The following KRT12 variants were observed in gnomAD, a reference collection of about 807,000 sequenced individuals.
The protein encoded by KRT12 is keratin, type I cytoskeletal 12.
In KRT12, 43 loss-of-function variants were observed where a neutral mutation model predicts 50.2. The observed-to-expected ratio is 0.86, with a 90% CI of 0.67 to 1.11. The LOEUF is 1.11. Among genes scored for constraint, KRT12 ranks in the 50% least tolerant of loss-of-function variants. KRT12 has a pLI of 0.00. For missense variants in KRT12, 588 were observed against 625.6 expected (o/e 0.94, Z 0.64); for synonymous variants, 257 against 253.6 (o/e 1.01, Z -0.13).
In KRT12 at chr17:40,863,602, C is replaced by G. The variant is rs752705039; in HGVS notation, c.978G>C (p.Glu326Asp). 2 of 1,614,250 alleles carry G rather than the reference C, an allele frequency of 1.2e-6. No individual in the cohort carries two copies. The highest frequency in any genetic ancestry group is 1.3e-5 in the African/African-American group (1 of 75,068). ...TGTTGGTGCTAATCTCCTTACGGAG[C>G]TCCCCGCTCTGCAACAGCAAAGACA... The part of the protein sequence containing the change: ...AEAWFIEKSG[E>D]LRKEISTNTE... Residue 326 changes from glutamate to aspartate, a missense_variant, in exon 5 of 8, where the codon GAG (glutamate) becomes GAC (aspartate). Physicochemically the swap from Glu to Asp is conservative, Grantham distance 45. Transcript: ENST00000251643. This position sits in a 1 kb window ranked among gnomAD's most constrained non-coding sequence, Gnocchi z 4.2.
At position 40,867,073 on chromosome 17, in the gene KRT12, A is replaced by G. The variant is rs777414238; in HGVS notation, c.114T>C (p.Val38=). 1 of 1,613,406 alleles carries G rather than the reference A, an allele frequency of 6.2e-7. No individual in the cohort carries two copies. The highest frequency in any genetic ancestry group is 8.5e-7 in the Non-Finnish European group (1 of 1,179,548). Residue 38 remains valine, a synonymous_variant, in exon 1 of 8, where the codon GTT becomes GTC. Transcript: ENST00000251643. The part of the protein sequence containing the change: ...GRPRGMSASS[V]GSGYGGSAFG... The stretch of plus-strand genomic sequence containing the variant: ...AGGCACTTCCCCCATAACCACTTCC[A>G]ACACTGGAAGCAGACATGCCCCTGG...
chr17:40,866,647 A>G lies in KRT12; in HGVS notation c.540T>C (p.Tyr180=), dbSNP rs1181502247. 2 of 1,613,916 alleles carry G rather than the reference A, an allele frequency of 1.2e-6. No individual in the cohort carries two copies. The highest frequency in any genetic ancestry group is 2.7e-5 in the African/African-American group (2 of 74,872). The change falls in exon 1 of 8, where the codon TAT becomes TAC. Residue 180 remains tyrosine, a synonymous_variant. Coordinates refer to ENST00000251643, the MANE Select transcript of KRT12 (RefSeq NM_000223.4). The part of the protein sequence containing the change: ...DASQSDYSKY[Y]PLIEDLRNKI... ...TATTCCTGAGGTCTTCAATCAGTGGATAATATTTGCTGTAATCGCTCTGTG... is the reference window on the plus strand; with the variant it reads ...TATTCCTGAGGTCTTCAATCAGTGGGTAATATTTGCTGTAATCGCTCTGTG...
Position 40,863,482 on chromosome 17 carries a change from T to C in KRT12, c.1095+3A>G. On this transcript the variant is annotated splice_donor_region_variant and intron_variant, in intron 5 of 7. Transcript: ENST00000251643. The surrounding 1 kb of genome is among the most constrained non-coding windows in gnomAD (Gnocchi z 4.2). ...TGCTACGTCTGTTTGCGCACGAGCC[T>C]ACCATGGCGAGCTGGGACTGTAGCT... 6.2e-7 allele frequency: 1 copy of C among 1,614,232 alleles called. No homozygotes were observed. The highest frequency in any genetic ancestry group is 8.5e-7 in the Non-Finnish European group (1 of 1,180,036).
chr17:40,862,005 A>C (rs1412211439), intron 7 of KRT12, among the ~76,000 whole-genome samples: 1 of 152,180 alleles, frequency 6.6e-6, no homozygotes, highest in Non-Finnish European at 1.5e-5. Context: ...TATGGTGATC[A>C]TAATACCTTG....
Position 40,861,523 on chromosome 17 carries a change from G to A in KRT12, c.*138C>T. The stretch of plus-strand genomic sequence containing the variant: ...CAGAAGGGCAAAAAGGATTCAATGT[G>A]AATAGGGAATCCAAAGAAAATGGAA... On this transcript the variant is annotated 3_prime_UTR_variant, in exon 8 of 8. Coordinates refer to ENST00000251643, the MANE Select transcript of KRT12 (RefSeq NM_000223.4). The A allele has an allele frequency of 2.9e-6, 2 of 689,442 alleles. No individual in the cohort carries two copies. The highest frequency in any genetic ancestry group is 2.7e-5 in the East Asian group (1 of 36,926). 42.7% of individuals were successfully genotyped at this position (689,442 alleles called of 1,614,324 possible). A position where few individuals can be genotyped will look rare whatever the true frequency, so the allele number is the denominator to read the frequency against.
rs772402972 is a variant in KRT12, at chr17:40,863,296, G to A, written c.1143C>T (p.Cys381=). ...GCTGCTGCACCTGGGACAGCTGCGCGCAGTAATCGCCCTCGGCTTCGGCCA... is the reference window on the plus strand; with the variant it reads ...GCTGCTGCACCTGGGACAGCTGCGCACAGTAATCGCCCTCGGCTTCGGCCA... ...DSLAEAEGDY[C]AQLSQVQQLI... is the part of the protein sequence containing the mutation. The change falls in exon 6 of 8, where the codon TGC becomes TGT. Residue 381 remains cysteine, a synonymous_variant. Coordinates refer to ENST00000251643, the MANE Select transcript of KRT12 (RefSeq NM_000223.4). This position sits in a 1 kb window ranked among gnomAD's most constrained non-coding sequence, Gnocchi z 4.2. The A allele has an allele frequency of 6.2e-7, 1 of 1,613,942 alleles. No homozygotes were observed. Among genetic ancestry groups the A allele is most frequent in the Non-Finnish European group, 8.5e-7 (1 of 1,179,992 alleles).
intron 6 of KRT12, 169 bp downstream of exon 6, chr17:40,862,954 T>C: frequency 1.5e-6 from 1 of 683,434 alleles, no homozygotes; most frequent in South Asian, 1.7e-5. Flanking sequence ...AGATAATGGG[T>C]GAAAACACTT....
rs951159037 is a variant in KRT12, at chr17:40,863,313, C to T, written c.1126G>A (p.Ala376Thr). ...AGCTGCGCGCAGTAATCGCCCTCGG[C>T]TTCGGCCAAGGAGTCCTCCAGGGAT... ...KKSLEDSLAEAEGDYCAQLSQ... is the reference protein window; with the variant it reads ...KKSLEDSLAETEGDYCAQLSQ... The change falls in exon 6 of 8, where the codon GCC becomes ACC. Residue 376 changes from alanine to threonine, a missense_variant. Physicochemically the swap from Ala to Thr is moderately conservative, Grantham distance 58 (BLOSUM62 0). Transcript: ENST00000251643. This position sits in a 1 kb window ranked among gnomAD's most constrained non-coding sequence, Gnocchi z 4.2. 9 of 1,613,930 alleles carry T rather than the reference C, an allele frequency of 5.6e-6. No individual in the cohort carries two copies. The highest frequency in any genetic ancestry group is 7.6e-6 in the Non-Finnish European group (9 of 1,179,966).
rs1398032327 is a variant in KRT12, at chr17:40,863,990, A to ACACACT, written c.808-127_808-126insAGTGTG. The ACACACT allele has an allele frequency of 3.1e-6, 2 of 647,274 alleles. No individual in the cohort carries two copies. The highest frequency in any genetic ancestry group is 5.2e-6 in the Non-Finnish European group (2 of 386,200). The allele number at this position is 647,274 out of a possible 1,614,324, so 40.1% of individuals were successfully genotyped here. On this transcript the variant is annotated intron_variant, in intron 3 of 7. Coordinates refer to ENST00000251643, the MANE Select transcript of KRT12 (RefSeq NM_000223.4). This position sits in a 1 kb window ranked among gnomAD's most constrained non-coding sequence, Gnocchi z 4.2. ...CACACACACACACACACACACACAC[A>ACACACT]CTTAAAAATTCTATCTTATGACTGT...
Position 40,866,245 on chromosome 17 carries a change from A to G in KRT12, c.568-8T>C. 6.2e-7 allele frequency: 1 copy of G among 1,611,796 alleles called. No individual in the cohort carries two copies. Among genetic ancestry groups the G allele is most frequent in the Non-Finnish European group, 8.5e-7 (1 of 1,177,954 alleles). ...AATGCTGGCTGAAATGATCTGGCAA[A>G]AGAGAGGGACACACACAAGATTGAA... On this transcript the variant is annotated splice_polypyrimidine_tract_variant and splice_region_variant and intron_variant, in intron 1 of 7. Coordinates refer to ENST00000251643, the MANE Select transcript of KRT12 (RefSeq NM_000223.4).
rs775787583 is a variant in KRT12 at position 40,864,932 on chromosome 17, G to A, written c.681C>T (p.Gly227=). 4.0e-5 allele frequency: 64 copies of A among 1,614,108 alleles called. No homozygotes were observed. In the Admixed American group the frequency reaches 9.2e-4, roughly 23 times the overall value. ...KYENELALRQ[G]VEADINGLRR... is the part of the protein sequence containing the mutation. ...GCAGGCCATTGATGTCGGCCTCTAC[G>A]CCCTGGCGCAGGGCCAGTTCATTCT... Residue 227 remains glycine, a synonymous_variant, in exon 3 of 8, where the codon GGC becomes GGT. Coordinates refer to ENST00000251643, the MANE Select transcript of KRT12 (RefSeq NM_000223.4).
Position 40,866,968 on chromosome 17 carries a change from G to A in KRT12, c.219C>T (p.Ser73=), listed in dbSNP as rs368268437. 7.5e-6 allele frequency: 12 copies of A among 1,598,820 alleles called. No homozygotes were observed. The highest frequency in any genetic ancestry group is 1.7e-5 in the Admixed American group (1 of 57,210). Residue 73 remains serine, a synonymous_variant, in exon 1 of 8, where the codon TCC becomes TCT. Transcript: ENST00000251643. ...FGSSSGFGGG[S]GSSMAGGLGA... ...CCAGTCCTCCTGCCATGGAACTTCCGGAGCCACCCCCAAAGCCGGAACTAG... is the reference window on the plus strand; with the variant it reads ...CCAGTCCTCCTGCCATGGAACTTCCAGAGCCACCCCCAAAGCCGGAACTAG...
intron 1 of KRT12, 134 bp downstream of exon 1, chr17:40,866,486 C>T (rs1268182037): frequency 3.7e-6 from 3 of 814,170 alleles, no homozygotes; most frequent in Non-Finnish European, 6.0e-6. Context: ...AGTGAAACAA[C>T]CTGGGATGAG....
rs1306974780 is a variant in KRT12, at chr17:40,863,888, G to C, written c.808-24C>G. The C allele has an allele frequency of 3.2e-6, 5 of 1,557,152 alleles. No individual in the cohort carries two copies. The highest frequency in any genetic ancestry group is 4.3e-6 in the Non-Finnish European group (5 of 1,157,020). The stretch of plus-strand genomic sequence containing the variant: ...TCCTGGGGACAGCATGTGAGAGAGA[G>C]GGGCACAGGGGTCCATTGTGACTTT... On this transcript the variant is annotated intron_variant, in intron 3 of 7. Transcript: ENST00000251643. This position sits in a 1 kb window ranked among gnomAD's most constrained non-coding sequence, Gnocchi z 4.2.
Position 40,863,674 on chromosome 17 carries a change from T to G in KRT12, c.969+29A>C. 1 of 1,614,230 alleles carries G rather than the reference T, an allele frequency of 6.2e-7. No individual in the cohort carries two copies. The highest frequency in any genetic ancestry group is 8.5e-7 in the Non-Finnish European group (1 of 1,180,046). ...GCTCGTTCGCAGGCCTTTCTGTGAA[T>G]GTATCAAAGCCTTTGTTGTTTGTGT... On this transcript the variant is annotated intron_variant, in intron 4 of 7. Coordinates refer to ENST00000251643, the MANE Select transcript of KRT12 (RefSeq NM_000223.4). This position sits in a 1 kb window ranked among gnomAD's most constrained non-coding sequence, Gnocchi z 4.2.
rs760663730 is a variant in KRT12 at position 40,866,889 on chromosome 17, C to T, written c.298G>A (p.Gly100Arg). ...CCACCTCCTGGGCTGCCCCCAAATC[C>T]CATCCCCAGCCCTCCAAAGCTACCT... ...GGGSFGGLGMGFGGSPGGGSL... is the reference protein window; with the variant it reads ...GGGSFGGLGMRFGGSPGGGSL... Residue 100 changes from glycine to arginine, a missense_variant, in exon 1 of 8, where the codon GGA becomes AGA. By Grantham distance (125) the Gly-to-Arg change is moderately radical (BLOSUM62 -2). Coordinates refer to ENST00000251643, the MANE Select transcript of KRT12 (RefSeq NM_000223.4). The T allele has an allele frequency of 3.3e-5, 54 of 1,614,080 alleles. No individual in the cohort carries two copies. In the South Asian group the frequency reaches 3.4e-4, roughly 10 times the overall value.
chr17:40,863,406 C>T lies in KRT12; in HGVS notation c.1096-63G>A, dbSNP rs1363460248. ...GAGGGGACCGAAAAGAGGAGGGTAG[C>T]CAACGGCTAATGTAATTTGGATGCA... On this transcript the variant is annotated intron_variant, in intron 5 of 7. Transcript: ENST00000251643. This position sits in a 1 kb window ranked among gnomAD's most constrained non-coding sequence, Gnocchi z 4.2. The T allele has an allele frequency of 5.6e-6, 9 of 1,613,552 alleles. No homozygotes were observed. The highest frequency in any genetic ancestry group is 1.6e-4 in the Middle Eastern group (1 of 6,084).
Position 40,867,128 on chromosome 17 carries a change from C to A in KRT12, c.59G>T (p.Arg20Leu), listed in dbSNP as rs766699655. The A allele has an allele frequency of 6.2e-7, 1 of 1,613,006 alleles. No individual in the cohort carries two copies. Among genetic ancestry groups the A allele is most frequent in the Non-Finnish European group, 8.5e-7 (1 of 1,180,032 alleles). Residue 20 changes from arginine (R) to leucine (L), a missense_variant, in exon 1 of 8, where the codon CGG becomes CTG. By Grantham distance (102) the Arg-to-Leu change is moderately radical. Coordinates refer to ENST00000251643, the MANE Select transcript of KRT12 (RefSeq NM_000223.4). ...GCCTATCACACTCTGCGAGGAGAGC[C>A]GCCGGGACAGTCCGGGGGTGCGCAC... ...LSVRTPGLSRRLSSQSVIGRP... is the reference protein window; with the variant it reads ...LSVRTPGLSRLLSSQSVIGRP...
Position 40,863,917 on chromosome 17 carries a change from G to A in KRT12, c.808-53C>T. On this transcript the variant is annotated intron_variant, in intron 3 of 7. Transcript: ENST00000251643. This position sits in a 1 kb window ranked among gnomAD's most constrained non-coding sequence, Gnocchi z 4.2. The stretch of plus-strand genomic sequence containing the variant: ...CACAGGGGTCCATTGTGACTTTCGT[G>A]GGCCCTGGATACTTTTGTCCTCTTG... The A allele has an allele frequency of 1.4e-6, 2 of 1,413,380 alleles. No individual in the cohort carries two copies. The highest frequency in any genetic ancestry group is 2.8e-5 in the South Asian group (2 of 72,638). The allele number at this position is 1,413,380 out of a possible 1,614,324, so 87.6% of individuals were successfully genotyped here.
Sources: gnomAD v4.1 joint callset for allele counts (sites outside exome capture counted in the v4.1 genomes callset) on GRCh38, gnomAD v4.1.1 for gene constraint, Gnocchi (gnomAD v3.1) non-coding constraint, MANE v1.5 for transcripts, NCBI Gene and HGNC (gene_info 2026-07-23, HGNC 2026-07-21) for gene names.